NCAM2: variants seen among roughly 807,000 people sequenced by gnomAD.
The protein encoded by NCAM2 is neural cell adhesion molecule 2.
NCAM2 carries 30 observed loss-of-function variants against 98.1 expected under a neutral mutation model. The observed-to-expected ratio is 0.31, with a 90% CI of 0.23 to 0.41. NCAM2 has a LOEUF of 0.41. Among genes scored for constraint, NCAM2 ranks in the 10% least tolerant of loss-of-function variants. The pLI, the probability that NCAM2 is intolerant of heterozygous loss-of-function variation, is 1.00. For synonymous variants in NCAM2, 368 were observed against 342.4 expected (o/e 1.07, Z -0.83); for missense variants, 867 against 1,005.8 (o/e 0.86, Z 1.87).
chr21:21,248,582 C>A (rs1975798228), intron 1 of NCAM2, among the ~76,000 whole-genome samples: 1 of 151,444 alleles, frequency 6.6e-6, no homozygotes, highest in African/African-American at 2.4e-5. Flanking sequence ...TGAGACTATC[C>A]CGGCTAACAC....
At chr21:21,253,240 T>C (rs2071537923) in intron 1 of NCAM2, among the ~76,000 whole-genome samples, 1 of 152,196 alleles carries the variant, frequency 6.6e-6, no homozygotes, top group Non-Finnish European at 1.5e-5. Context: ...CGAAATTCAT[T>C]AAGCAATTTG....
intron 8 of NCAM2, among the ~76,000 whole-genome samples, chr21:21,346,153 C>A (rs142081169): frequency 6.8e-6 from 1 of 147,372 alleles, no homozygotes; most frequent in Non-Finnish European, 1.5e-5. Flanking sequence ...AAGAAACATA[C>A]TTCATCTATA....
chr21:21,208,475 C>A lies in NCAM2; in HGVS notation c.56-72103C>A, dbSNP rs535912500. Among the ~76,000 whole-genome samples the A allele has an allele frequency of 4.6e-5, 7 of 152,214 alleles. No homozygotes were observed. The East Asian group carries it at 1.4e-3, about 29-fold the overall frequency. On this transcript the variant is annotated intron_variant, in intron 1 of 17. Transcript: ENST00000400546. ...AAGTGTGCTGACATCTACAAAATGTCATAATTTTATTTCTTGTTTTCAATG... is the reference window on the plus strand; with the variant it reads ...AAGTGTGCTGACATCTACAAAATGTAATAATTTTATTTCTTGTTTTCAATG...
At chr21:21,125,176 C>G (rs989383157) in intron 1 of NCAM2, among the ~76,000 whole-genome samples, 7 of 151,540 alleles carry the variant, frequency 4.6e-5, no homozygotes, top group Admixed American at 6.6e-5. Context: ...TCAGTAATGT[C>G]ACATTAGTGG....
At chr21:21,429,844 A>C (rs900194014) in intron 11 of NCAM2, among the ~76,000 whole-genome samples, 3 of 152,174 alleles carry the variant, frequency 2.0e-5, no homozygotes, top group Non-Finnish European at 2.9e-5. Flanking sequence ...GTTTCTAATT[A>C]GAGTTGAAAT....
intron 1 of NCAM2, among the ~76,000 whole-genome samples, chr21:21,064,663 C>A (rs1049527149): frequency 6.6e-6 from 1 of 152,114 alleles, no homozygotes; most frequent in African/African-American, 2.4e-5. Flanking sequence ...AGTAGAAATT[C>A]ATGTGGACAG....
chr21:21,092,673 G>T (rs1159939623), intron 1 of NCAM2, among the ~76,000 whole-genome samples: 1 of 134 alleles, frequency 7.5e-3, no homozygotes, highest in Non-Finnish European at 0.014. Flanking sequence ...AGTGAAATAC[G>T]CTAGAAAAAT....
intron 15 of NCAM2, among the ~76,000 whole-genome samples, chr21:21,507,805 A>G (rs1988086478): frequency 6.8e-6 from 1 of 148,034 alleles, no homozygotes; most frequent in Admixed American, 6.7e-5. Flanking sequence ...AAAAAAAAAA[A>G]AAGACTAAAC....
intron 1 of NCAM2, among the ~76,000 whole-genome samples, chr21:21,058,490 A>G (rs745383057): frequency 1.3e-5 from 2 of 152,126 alleles, no homozygotes; most frequent in Non-Finnish European, 2.9e-5. Flanking sequence ...AAATATGTCT[A>G]TACTCTCAAG....
In NCAM2 at chr21:21,299,269, A is replaced by C. The variant is rs564254574; in HGVS notation, c.619+7028A>C. On this transcript the variant is annotated intron_variant, in intron 5 of 17. Coordinates refer to ENST00000400546, the MANE Select transcript of NCAM2 (RefSeq NM_004540.5). ...CAGTATTTTATTCACACTGAAATTC[A>C]CGAATGACCAGTATCACCACTATCT... is the stretch of plus-strand genomic sequence containing the variant. Among the ~76,000 whole-genome samples the C allele has an allele frequency of 2.0e-5, 3 of 151,020 alleles. No individual in the cohort carries two copies. In the South Asian group the frequency reaches 6.3e-4, roughly 31 times the overall value.
At chr21:21,119,125 C>G (rs1199874187) in intron 1 of NCAM2, among the ~76,000 whole-genome samples, 1 of 152,094 alleles carries the variant, frequency 6.6e-6, no homozygotes, top group African/African-American at 2.4e-5. Flanking sequence ...CATGATAATG[C>G]ATTTGAAATT....
rs575979290 is a variant in NCAM2, at chr21:21,065,756, T to C, written c.55+67138T>C. 4.6e-5 allele frequency among the ~76,000 whole-genome samples: 7 copies of C among 152,276 alleles called. No individual in the cohort carries two copies. In the East Asian group the frequency reaches 1.2e-3, roughly 25 times the overall value. On this transcript the variant is annotated intron_variant, in intron 1 of 17. Coordinates refer to ENST00000400546, the MANE Select transcript of NCAM2 (RefSeq NM_004540.5). ...AAGTGCTTCGTTATTTTGATGGGAG[T>C]GTGTACTATGACTACTATATTTATC...
At chr21:21,156,208 A>T (rs183822508) in intron 1 of NCAM2, among the ~76,000 whole-genome samples, 1 of 151,644 alleles carries the variant, frequency 6.6e-6, no homozygotes, top group Non-Finnish European at 1.5e-5. Context: ...CTGTCTCATT[A>T]TAAAGAATGA....
chr21:21,145,465 C>T (rs2067252244), intron 1 of NCAM2, among the ~76,000 whole-genome samples: 1 of 151,986 alleles, frequency 6.6e-6, no homozygotes, highest in South Asian at 2.1e-4. Context: ...ATTCTTTTGT[C>T]CATCAAAGTA....
intron 1 of NCAM2, among the ~76,000 whole-genome samples, chr21:21,205,534 T>C (rs1393161790): frequency 6.6e-6 from 1 of 152,122 alleles, no homozygotes; most frequent in Non-Finnish European, 1.5e-5. Flanking sequence ...AAGCCTACAC[T>C]TTTTTTCATT....
At chr21:21,412,939 TA>T (rs2076917362) in intron 10 of NCAM2, among the ~76,000 whole-genome samples, 1 of 152,126 alleles carries the variant, frequency 6.6e-6, no homozygotes, top group Non-Finnish European at 1.5e-5. Context: ...CTTTAGAATA[TA>T]AAAGGAAATA....
intron 16 of NCAM2, among the ~76,000 whole-genome samples, chr21:21,528,456 C>T (rs1332119232): frequency 2.0e-5 from 3 of 152,018 alleles, no homozygotes; most frequent in Non-Finnish European, 2.9e-5. Flanking sequence ...GCAGGGGATA[C>T]GTGGGAAATC....
intron 1 of NCAM2, among the ~76,000 whole-genome samples, chr21:21,047,501 A>G (rs2065026147): frequency 6.6e-6 from 1 of 152,194 alleles, no homozygotes; most frequent in African/African-American, 2.4e-5. Context: ...GAAAAACAAG[A>G]AAGTATTCAA....
chr21:21,286,409 G>C lies in NCAM2; in HGVS notation c.478G>C (p.Asp160His), dbSNP rs764042994. 6.2e-7 allele frequency: 1 copy of C among 1,611,486 alleles called. No homozygotes were observed. The highest frequency in any genetic ancestry group is 8.5e-7 in the Non-Finnish European group (1 of 1,178,416). The change falls in exon 4 of 18, where the codon GAC becomes CAC. Residue 160 changes from aspartate (D) to histidine (H), a missense_variant. This residue lies in a region of NCAM2 where 447 missense variants were observed against 495.7 expected (regional missense o/e 0.90). Coordinates refer to ENST00000400546, the MANE Select transcript of NCAM2 (RefSeq NM_004540.5). ...YHNEEVTTIS[D>H]NRFAMLANNN... ...TAATGAGGAAGTCACCACTATTTCCGACAGTTAGTATTTTGGTAACTCCCT... is the reference window on the plus strand; with the variant it reads ...TAATGAGGAAGTCACCACTATTTCCCACAGTTAGTATTTTGGTAACTCCCT...
Sources: allele counts gnomAD v4.1 joint callset (sites outside exome capture counted in the v4.1 genomes callset), GRCh38; gene constraint gnomAD v4.1.1; regional missense constraint gnomAD v4.1.1; transcripts MANE v1.5; gene names NCBI Gene and HGNC (gene_info 2026-07-23, HGNC 2026-07-21).